Variants in REV3L observed in about 807,000 individuals in gnomAD.
REV3L encodes REV3 like, DNA directed polymerase zeta catalytic subunit, also known as DNA polymerase zeta catalytic subunit.
Under a neutral mutation model 299.4 loss-of-function variants are expected in REV3L, and 69 were observed. The ratio of observed to expected loss-of-function variants is 0.23; its 90% confidence interval spans 0.19 to 0.28. The LOEUF is 0.28. Ranked by LOEUF, REV3L falls within the 10% of genes least tolerant of loss-of-function variation. REV3L has a pLI of 1.00. For missense variants in REV3L, 3,128 were observed against 3,693.8 expected, an observed-to-expected ratio of 0.85 and a Z score of 3.97; for synonymous variants, 1,238 against 1,271.4, an observed-to-expected ratio of 0.97 and a Z score of 0.56.
At position 111,367,988 on chromosome 6, in the gene REV3L, C is replaced by A. The variant is rs774129928; in HGVS notation, c.5800G>T (p.Ala1934Ser). 6.2e-7 allele frequency: 1 copy of A among 1,612,084 alleles called. No homozygotes were observed. Among genetic ancestry groups the A allele is most frequent in the South Asian group, 1.1e-5 (1 of 90,676 alleles). The change falls in exon 14 of 32, where the codon GCA becomes TCA. Residue 1934 changes from alanine (A) to serine (S), a missense_variant. By Grantham distance (99) the Ala-to-Ser change is moderately conservative. This residue lies in a region of REV3L where 2,409 missense variants were observed against 2,611.8 expected (regional missense o/e 0.92). Transcript: ENST00000368802. ...CCCTCAAACTCAGCCAGATCATTTG[C>A]AAGTCGAGTTTCTACCATGAGGAGC... Reference protein sequence around the residue: ...GRLLMVETRLANDLAEFEGDF... With the variant: ...GRLLMVETRLSNDLAEFEGDF...
intron 1 of REV3L, among the ~76,000 whole-genome samples, chr6:111,425,188 G>A (rs1786021568): frequency 6.6e-6 from 1 of 152,196 alleles, no homozygotes; most frequent in Non-Finnish European, 1.5e-5. Flanking sequence ...GCCGGGCGCG[G>A]TGGCTCATGC....
intron 1 of REV3L, among the ~76,000 whole-genome samples, chr6:111,450,508 C>T (rs1028059208): frequency 7.4e-5 from 7 of 94,282 alleles, no homozygotes; most frequent in African/African-American, 2.4e-4. Flanking sequence ...AAAAAAAAAC[C>T]AAAAAACATT....
rs1284920574 is a variant in REV3L at position 111,368,020 on chromosome 6, C to T, written c.5768G>A (p.Gly1923Asp). 1.2e-6 allele frequency: 2 copies of T among 1,601,950 alleles called. No homozygotes were observed. The highest frequency in any genetic ancestry group is 1.3e-5 in the African/African-American group (1 of 74,194). Residue 1923 changes from glycine (G) to aspartate (D), a missense_variant, in exon 14 of 32, where the codon GGT becomes GAT. Gly to Asp is a moderately conservative substitution (Grantham distance 94). This residue lies in a region of REV3L where 2,409 missense variants were observed against 2,611.8 expected (regional missense o/e 0.92). Transcript: ENST00000368802. ...SDVPEKPREI[G>D]GRLLMVETRL... ...AGTTTCTACCATGAGGAGCCGTCCA[C>T]CAATCTCCCTATAATAACATATTTT...
intron 28 of REV3L, 45 bp downstream of exon 28, chr6:111,313,307 A>G (rs770376931): frequency 2.6e-6 from 4 of 1,567,278 alleles, no homozygotes; most frequent in Non-Finnish European, 3.4e-6. Flanking sequence ...CAGACACTTT[A>G]GCCACTTATT....
At position 111,336,505 on chromosome 6, in the gene REV3L, A is replaced by G. The variant is rs377690050; in HGVS notation, c.7539-895T>C. ...TGAAGGAAGAAAAAAATACCCTATT[A>G]TAAAAAAGATAATAACAGTATATTA... On this transcript the variant is annotated intron_variant, in intron 21 of 31. Coordinates refer to ENST00000368802, the MANE Select transcript of REV3L (RefSeq NM_001372078.1). 4.5e-4 allele frequency among the ~76,000 whole-genome samples: 69 copies of G among 152,312 alleles called. No homozygotes were observed. The South Asian group carries it at 7.5e-3, about 16-fold the overall frequency.
At chr6:111,415,608 C>T (rs1328463307) in intron 2 of REV3L, among the ~76,000 whole-genome samples, 2 of 152,018 alleles carry the variant, frequency 1.3e-5, no homozygotes, top group African/African-American at 4.8e-5. Context: ...TCCTCACAGT[C>T]TCTACCCTCT....
At chr6:111,304,330 G>C (rs1181622929) in intron 31 of REV3L, among the ~76,000 whole-genome samples, 1 of 149,390 alleles carries the variant, frequency 6.7e-6, no homozygotes, top group Non-Finnish European at 1.5e-5. Flanking sequence ...GGGTTACAGA[G>C]TTTGATATAT....
Position 111,482,927 on chromosome 6 carries a change from C to CCGGCAGCGGCAGCAGCAGCGG in REV3L, c.-60_-40dup. The stretch of plus-strand genomic sequence containing the variant: ...GCCACTGCCTCCCTTCACTGGCGAC[C>CCGGCAGCGGCAGCAGCAGCGG]CGGCAGCGGCAGCAGCAGCGGCGGC... On this transcript the variant is annotated 5_prime_UTR_variant, in exon 1 of 32. Transcript: ENST00000368802. 6.7e-7 allele frequency: 1 copy of CCGGCAGCGGCAGCAGCAGCGG among 1,488,480 alleles called. No homozygotes were observed. The highest frequency in any genetic ancestry group is 1.4e-5 in the South Asian group (1 of 73,000). 92.2% of individuals were successfully genotyped at this position (1,488,480 alleles called of 1,614,324 possible).
intron 15 of REV3L, 41 bp downstream of exon 15, chr6:111,365,224 T>G: frequency 8.5e-7 from 1 of 1,180,504 alleles, no homozygotes; most frequent in Non-Finnish European, 1.2e-6. Flanking sequence ...GGAAAAAGAC[T>G]GGCTCTTCCA....
Position 111,362,393 on chromosome 6 carries a change from G to GA in REV3L, c.6879+1459dup, listed in dbSNP as rs538992107. 1.1e-4 allele frequency among the ~76,000 whole-genome samples: 17 copies of GA among 151,768 alleles called. 1 individual carries two copies. The highest frequency in any genetic ancestry group is 1.0e-3 in the South Asian group (5 of 4,794). On this transcript the variant is annotated intron_variant, in intron 16 of 31. Transcript: ENST00000368802. The stretch of plus-strand genomic sequence containing the variant: ...ACAGTTTACAACAGAATTGACTTGA[G>GA]AAAAAAAACCACACTTAAAAATTGA...
chr6:111,417,743 C>T (rs377648798), intron 1 of REV3L, among the ~76,000 whole-genome samples: 3 of 152,140 alleles, frequency 2.0e-5, no homozygotes, highest in Middle Eastern at 3.4e-3. Flanking sequence ...GGTACACTTA[C>T]GACAGAAAAA....
chr6:111,343,879 T>A (rs774901784), intron 21 of REV3L, 46 bp downstream of exon 21: 14 of 1,261,598 alleles, frequency 1.1e-5, no homozygotes, highest in Non-Finnish European at 1.6e-5. Flanking sequence ...AAATTACATC[T>A]CAATGATGAT....
intron 1 of REV3L, among the ~76,000 whole-genome samples, chr6:111,455,678 A>C (rs1414227095): frequency 6.6e-6 from 1 of 152,230 alleles, no homozygotes; most frequent in Non-Finnish European, 1.5e-5. Context: ...AAAGTCCACA[A>C]ACTACATGTA....
chr6:111,426,708 A>G (rs1486279119), intron 1 of REV3L, among the ~76,000 whole-genome samples: 1 of 152,252 alleles, frequency 6.6e-6, no homozygotes, highest in African/African-American at 2.4e-5. Context: ...TTTAATCTGC[A>G]ATTATTGTTA....
At chr6:111,302,456 A>G (rs1379219224) in intron 31 of REV3L, among the ~76,000 whole-genome samples, 2 of 152,240 alleles carry the variant, frequency 1.3e-5, no homozygotes, top group African/African-American at 2.4e-5. Context: ...ACTGGTTTAA[A>G]CCCTGAGCAT....
In REV3L at chr6:111,299,088, CAAA is replaced by C. The variant is rs764882820; in HGVS notation, c.*925_*927del. ...TGGTTTCCATTATTAACTTTTAAAA[CAAA>C]ATGATTTCCAGTTTAAAAAACAATG... On this transcript the variant is annotated 3_prime_UTR_variant, in exon 32 of 32. Transcript: ENST00000368802. 21 of 152,284 alleles carry C rather than the reference CAAA, an allele frequency of 1.4e-4. No individual in the cohort carries two copies. The highest frequency in any genetic ancestry group is 1.5e-4 in the Non-Finnish European group (10 of 67,928). 9.4% of individuals were successfully genotyped at this position (152,284 alleles called of 1,614,324 possible).
intron 18 of REV3L, among the ~76,000 whole-genome samples, chr6:111,352,404 G>T (rs1481774748): frequency 6.6e-6 from 1 of 152,132 alleles, no homozygotes; most frequent in East Asian, 1.9e-4. Flanking sequence ...CATTACCACT[G>T]AAGTATATGA....
At chr6:111,379,040 C>A (rs1310216245) in intron 11 of REV3L, among the ~76,000 whole-genome samples, 2 of 152,138 alleles carry the variant, frequency 1.3e-5, no homozygotes, top group African/African-American at 4.8e-5. Context: ...TATATGTGTA[C>A]AAAATGTTTA....
At chr6:111,465,755 A>AC (rs1562355522) in intron 1 of REV3L, among the ~76,000 whole-genome samples, 1 of 150,810 alleles carries the variant, frequency 6.6e-6, no homozygotes, top group African/African-American at 2.4e-5. Context: ...CAAAAAAAAA[A>AC]AAAAAAAAAA....
Sources: allele counts gnomAD v4.1 joint callset (sites outside exome capture counted in the v4.1 genomes callset), GRCh38; gene constraint gnomAD v4.1.1; regional missense constraint gnomAD v4.1.1; transcripts MANE v1.5; gene names NCBI Gene and HGNC (gene_info 2026-07-23, HGNC 2026-07-21).